Variants in KREMEN1 observed in about 807,000 individuals in gnomAD.
KREMEN1 encodes kringle containing transmembrane protein 1.
A neutral mutation model predicts 46.5 loss-of-function variants in KREMEN1; 30 were observed. The observed-to-expected ratio is 0.65, with a 90% CI of 0.48 to 0.88. The LOEUF is 0.88. KREMEN1 is among the 40% of genes least tolerant of loss of function. KREMEN1 has a pLI of 0.00. For missense variants in KREMEN1, 533 were observed against 596.9 expected (o/e 0.89, Z 1.11); for synonymous variants, 214 against 230.6 (o/e 0.93, Z 0.65).
chr22:29,126,700 G>A (rs1426627006), intron 5 of KREMEN1, among the ~76,000 whole-genome samples: 1 of 152,176 alleles, frequency 6.6e-6, no homozygotes, highest in Non-Finnish European at 1.5e-5. Flanking sequence ...CCCAGCCAAG[G>A]TTTATAACTG....
chr22:29,166,666 C>A (rs754410676), intron 9 of KREMEN1, among the ~76,000 whole-genome samples: 2 of 152,110 alleles, frequency 1.3e-5, no homozygotes, highest in African/African-American at 2.4e-5. Flanking sequence ...AGGCCAGGCG[C>A]GGTAGCTCAC....
chr22:29,087,144 G>A (rs1484668726), intron 1 of KREMEN1, among the ~76,000 whole-genome samples: 1 of 151,946 alleles, frequency 6.6e-6, no homozygotes, highest in Non-Finnish European at 1.5e-5. Flanking sequence ...TTTAAAGAAC[G>A]AAGGATATTC....
intron 3 of KREMEN1, among the ~76,000 whole-genome samples, chr22:29,106,203 T>A (rs2038056300): frequency 6.7e-6 from 1 of 150,166 alleles, no homozygotes; most frequent in East Asian, 1.9e-4. Flanking sequence ...CAAAAAGCAC[T>A]TATATTCACA....
chr22:29,116,427 A>G (rs2038240898), intron 3 of KREMEN1, among the ~76,000 whole-genome samples: 1 of 152,156 alleles, frequency 6.6e-6, no homozygotes, highest in Non-Finnish European at 1.5e-5. Context: ...CTGATGTTCA[A>G]ATGGGTTAGA....
At chr22:29,138,245 C>A (rs2038702090) in intron 6 of KREMEN1, among the ~76,000 whole-genome samples, 1 of 152,164 alleles carries the variant, frequency 6.6e-6, no homozygotes, top group Non-Finnish European at 1.5e-5. Context: ...TCCAGGAGAC[C>A]CATGGGAAGA....
intron 2 of KREMEN1, 137 bp from the exon 3 acceptor site, chr22:29,098,725 A>G: frequency 3.0e-6 from 2 of 656,136 alleles, no homozygotes; most frequent in Non-Finnish European, 5.5e-6. Flanking sequence ...TTTTGATGAG[A>G]GATGGCACTG....
intron 3 of KREMEN1, among the ~76,000 whole-genome samples, chr22:29,115,347 G>A (rs1202095695): frequency 6.6e-6 from 1 of 152,134 alleles, no homozygotes; most frequent in Non-Finnish European, 1.5e-5. Flanking sequence ...TACTGCTCAG[G>A]TGATGGGTGC....
intron 5 of KREMEN1, among the ~76,000 whole-genome samples, chr22:29,128,392 C>T (rs1161225977): frequency 2.0e-5 from 3 of 152,080 alleles, no homozygotes; most frequent in Non-Finnish European, 4.4e-5. Context: ...GATTTTAGAT[C>T]AAGAAGAAAT....
chr22:29,092,794 G>A (rs58680494), intron 1 of KREMEN1, among the ~76,000 whole-genome samples: 211 of 152,270 alleles, frequency 1.4e-3, no homozygotes, highest in African/African-American at 4.8e-3. Context: ...TGGCCAACAT[G>A]GTGAAACCCT....
rs1173214097 is a variant in KREMEN1 at position 29,144,866 on chromosome 22, G to A, written c.*2754G>A. ...ATGTGCTGTCACAGCCTGCAGCGGG[G>A]GCAGCACTTCCTCGGAGGGCCTGGG... On this transcript the variant is annotated 3_prime_UTR_variant, in exon 9 of 9. Transcript: ENST00000400335. 3.0e-6 allele frequency: 3 copies of A among 985,406 alleles called. No individual in the cohort carries two copies. The highest frequency in any genetic ancestry group is 3.6e-6 in the Non-Finnish European group (3 of 830,018). 61.0% of individuals were successfully genotyped at this position (985,406 alleles called of 1,614,324 possible). A position where few individuals can be genotyped will look rare whatever the true frequency, so the allele number is the denominator to read the frequency against.
chr22:29,156,615 A>T (rs2038964803), intron 9 of KREMEN1, among the ~76,000 whole-genome samples: 1 of 152,216 alleles, frequency 6.6e-6, no homozygotes, highest in African/African-American at 2.4e-5. Context: ...TAAATGAGGT[A>T]CTAGGAACCC....
At chr22:29,074,657 C>G (rs2037537400) in intron 1 of KREMEN1, among the ~76,000 whole-genome samples, 1 of 152,234 alleles carries the variant, frequency 6.6e-6, no homozygotes, top group Non-Finnish European at 1.5e-5. Flanking sequence ...GTTCTCCACC[C>G]AAAGTCACAG....
intron 9 of KREMEN1, among the ~76,000 whole-genome samples, chr22:29,157,398 C>T (rs767180913): frequency 1.3e-5 from 2 of 152,230 alleles, no homozygotes; most frequent in Non-Finnish European, 2.9e-5. Flanking sequence ...AGTGCAATGG[C>T]ACGATCTCAG....
chr22:29,142,635 T>C lies in KREMEN1; in HGVS notation c.*523T>C. 3.0e-6 allele frequency: 3 copies of C among 985,560 alleles called. No homozygotes were observed. The highest frequency in any genetic ancestry group is 3.6e-6 in the Non-Finnish European group (3 of 830,026). 61.1% of individuals were successfully genotyped at this position (985,560 alleles called of 1,614,324 possible). ...CATACAAGTGCGGACTCCTGGACAT[T>C]AGCGAGGTGTAAAGAGGGCAGTGTC... On this transcript the variant is annotated 3_prime_UTR_variant, in exon 9 of 9. Coordinates refer to ENST00000400335, the MANE Select transcript of KREMEN1 (RefSeq NM_001039570.3).
chr22:29,101,845 A>G (rs2037981367), intron 3 of KREMEN1, among the ~76,000 whole-genome samples: 1 of 152,340 alleles, frequency 6.6e-6, no homozygotes, highest in African/African-American at 2.4e-5. Flanking sequence ...ACAAAATTAT[A>G]TGACAATGCA....
chr22:29,093,444 C>A (rs2037831949), intron 1 of KREMEN1, among the ~76,000 whole-genome samples: 1 of 152,194 alleles, frequency 6.6e-6, no homozygotes. Flanking sequence ...GAGTTTAATG[C>A]ATGCAATATG....
At chr22:29,089,866 C>T (rs765854988) in intron 1 of KREMEN1, among the ~76,000 whole-genome samples, 37 of 152,164 alleles carry the variant, frequency 2.4e-4, no homozygotes, top group Non-Finnish European at 4.4e-4. Flanking sequence ...ACACACCTGC[C>T]GCCTCGTTCA....
At chr22:29,084,076 G>C (rs11914268) in intron 1 of KREMEN1, among the ~76,000 whole-genome samples, 4 of 152,060 alleles carry the variant, frequency 2.6e-5, no homozygotes, top group Non-Finnish European at 5.9e-5. Flanking sequence ...AGGTCATATA[G>C]GGTAACTTCT....
intron 9 of KREMEN1, among the ~76,000 whole-genome samples, chr22:29,153,059 T>C (rs2038929653): frequency 6.6e-6 from 1 of 152,238 alleles, no homozygotes; most frequent in East Asian, 1.9e-4. Context: ...CTTCCCTTTT[T>C]AGACCATATA....
Sources: allele counts gnomAD v4.1 joint callset (sites outside exome capture counted in the v4.1 genomes callset), GRCh38; gene constraint gnomAD v4.1.1; transcripts MANE v1.5; gene names NCBI Gene and HGNC (gene_info 2026-07-23, HGNC 2026-07-21).